Variants in GRM5 observed in about 807,000 individuals in gnomAD.
The protein encoded by GRM5 is metabotropic glutamate receptor 5.
Under a neutral mutation model 83.1 loss-of-function variants are expected in GRM5, and 19 were observed. That is an observed-to-expected ratio of 0.23 (90% confidence interval 0.16 to 0.34). GRM5 has a LOEUF of 0.34. GRM5 is among the 10% of genes least tolerant of loss of function. The probability of loss-of-function intolerance (pLI) is 1.00; values close to 1 mark genes in which losing one functional copy is unlikely to be tolerated. For synonymous variants in GRM5, 675 were observed against 633.6 expected, an observed-to-expected ratio of 1.07 and a Z score of -0.98; for missense variants, 1,160 against 1,588.3, an observed-to-expected ratio of 0.73 and a Z score of 4.58.
chr11:89,052,938 A>C (rs1234251312), intron 1 of GRM5, among the ~76,000 whole-genome samples: 1 of 152,136 alleles, frequency 6.6e-6, no homozygotes, highest in African/African-American at 2.4e-5. Flanking sequence ...CTAGCTGATC[A>C]CTTAGAAAAT....
chr11:88,790,277 T>C (rs1943148790), intron 3 of GRM5, among the ~76,000 whole-genome samples: 1 of 152,218 alleles, frequency 6.6e-6, no homozygotes, highest in Admixed American at 6.5e-5. Context: ...TCATATTATT[T>C]ACAAACACAG....
chr11:88,905,882 C>G (rs1044611711), intron 2 of GRM5, among the ~76,000 whole-genome samples: 1 of 151,904 alleles, frequency 6.6e-6, no homozygotes, highest in African/African-American at 2.4e-5. Flanking sequence ...TGGTGGGGGA[C>G]AAGGAAGAGA....
intron 2 of GRM5, among the ~76,000 whole-genome samples, chr11:88,950,811 A>G (rs1938435540): frequency 6.6e-6 from 1 of 152,248 alleles, no homozygotes; most frequent in South Asian, 2.1e-4. Context: ...ATCATTGAAA[A>G]GAATTTTTGC....
chr11:88,915,487 T>G (rs2135618476), intron 2 of GRM5, among the ~76,000 whole-genome samples: 1 of 152,254 alleles, frequency 6.6e-6, no homozygotes, highest in East Asian at 1.9e-4. Flanking sequence ...CTTGCCCCAT[T>G]ATGGAGAGTA....
chr11:89,055,973 G>A (rs1409739983), intron 1 of GRM5, among the ~76,000 whole-genome samples: 1 of 152,092 alleles, frequency 6.6e-6, no homozygotes, highest in Non-Finnish European at 1.5e-5. Flanking sequence ...AAGCAAGTGG[G>A]TAGTACCAGA....
chr11:88,560,989 T>G (rs1555069103), intron 8 of GRM5, among the ~76,000 whole-genome samples: 1 of 152,010 alleles, frequency 6.6e-6, no homozygotes, highest in Non-Finnish European at 1.5e-5. Context: ...TCTGATAGGG[T>G]CTCATTGAGG....
chr11:88,927,322 G>C (rs1226848494), intron 2 of GRM5, among the ~76,000 whole-genome samples: 1 of 152,168 alleles, frequency 6.6e-6, no homozygotes, highest in African/African-American at 2.4e-5. Context: ...TATTCTAGAA[G>C]TAAAACCTCA....
intron 8 of GRM5, among the ~76,000 whole-genome samples, chr11:88,545,887 A>C (rs571640706): frequency 2.0e-5 from 3 of 152,092 alleles, no homozygotes; most frequent in African/African-American, 7.2e-5. Flanking sequence ...ACAATATACA[A>C]AATATATATT....
At chr11:88,630,761 A>G (rs1283198532) in intron 4 of GRM5, among the ~76,000 whole-genome samples, 1 of 152,094 alleles carries the variant, frequency 6.6e-6, no homozygotes, top group Non-Finnish European at 1.5e-5. Context: ...TATTTTTAGT[A>G]GAGACGGGGT....
intron 2 of GRM5, among the ~76,000 whole-genome samples, chr11:88,902,950 CAAAAA>C (rs201996144): frequency 2.7e-4 from 17 of 61,896 alleles, no homozygotes; most frequent in African/African-American, 1.6e-3. Context: ...GACTCCATCT[CAAAAA>C]AAAAAAAAAA....
chr11:88,770,331 A>G (rs1365124094), intron 3 of GRM5, among the ~76,000 whole-genome samples: 1 of 152,112 alleles, frequency 6.6e-6, no homozygotes, highest in African/African-American at 2.4e-5. Flanking sequence ...TTCTTAATAA[A>G]TATTCTCTTA....
chr11:88,933,888 T>C (rs1376913868), intron 2 of GRM5, among the ~76,000 whole-genome samples: 1 of 151,854 alleles, frequency 6.6e-6, no homozygotes, highest in Non-Finnish European at 1.5e-5. Flanking sequence ...CTCTTACATA[T>C]GTTTGACACT....
intron 3 of GRM5, among the ~76,000 whole-genome samples, chr11:88,756,425 TC>T (rs1942395116): frequency 6.6e-6 from 1 of 152,128 alleles, no homozygotes; most frequent in Admixed American, 6.6e-5. Context: ...CAGCAAGAGT[TC>T]ACTAGGCAGT....
intron 3 of GRM5, among the ~76,000 whole-genome samples, chr11:88,686,655 C>A (rs1272458193): frequency 6.6e-6 from 1 of 152,034 alleles, no homozygotes; most frequent in Non-Finnish European, 1.5e-5. Flanking sequence ...CAAGGGGGAC[C>A]TTTCCCCCAT....
At chr11:88,707,874 G>C (rs549191068) in intron 3 of GRM5, among the ~76,000 whole-genome samples, 15 of 152,114 alleles carry the variant, frequency 9.9e-5, no homozygotes, top group African/African-American at 3.4e-4. Context: ...ATTAAGTAGT[G>C]ATAGATCAAA....
intron 4 of GRM5, among the ~76,000 whole-genome samples, chr11:88,608,671 A>G (rs1319176918): frequency 1.3e-5 from 2 of 151,716 alleles, no homozygotes; most frequent in East Asian, 3.9e-4. Context: ...GGAACCTGCC[A>G]CCATGCCCGG....
At chr11:88,572,771 A>AT (rs1224743451) in intron 7 of GRM5, among the ~76,000 whole-genome samples, 1 of 151,988 alleles carries the variant, frequency 6.6e-6, no homozygotes, top group Non-Finnish European at 1.5e-5. Flanking sequence ...CAATGGTTGT[A>AT]TTTTTTATCC....
intron 3 of GRM5, among the ~76,000 whole-genome samples, chr11:88,659,409 G>A (rs568974737): frequency 2.0e-5 from 3 of 151,930 alleles, no homozygotes; most frequent in Non-Finnish European, 2.9e-5. Flanking sequence ...AACAATGTTC[G>A]TACCTGTGGT....
At chr11:88,947,369 C>A (rs1463069564) in intron 2 of GRM5, among the ~76,000 whole-genome samples, 1 of 152,076 alleles carries the variant, frequency 6.6e-6, no homozygotes, top group African/African-American at 2.4e-5. Flanking sequence ...ATTTACTTGC[C>A]TGCCAATGCC....
Sources: gnomAD v4.1 joint callset for allele counts (sites outside exome capture counted in the v4.1 genomes callset) on GRCh38, gnomAD v4.1.1 for gene constraint, MANE v1.5 for transcripts, NCBI Gene and HGNC (gene_info 2026-07-23, HGNC 2026-07-21) for gene names.